Variants in PCBD2 observed in about 807,000 individuals in gnomAD.
PCBD2 encodes the protein pterin-4 alpha-carbinolamine dehydratase 2.
A neutral mutation model predicts 16.4 loss-of-function variants in PCBD2; 12 were observed. The ratio of observed to expected loss-of-function variants is 0.73; its 90% confidence interval spans 0.47 to 1.19. PCBD2 has a LOEUF of 1.19. Among genes scored for constraint, PCBD2 ranks in the 50% most tolerant of loss-of-function variants. The pLI, the probability that PCBD2 is intolerant of heterozygous loss-of-function variation, is 0.00. For synonymous variants in PCBD2, 58 were observed against 61.8 expected (o/e 0.94, Z 0.29); for missense variants, 138 against 156.8 (o/e 0.88, Z 0.64).
chr5:134,919,008 C>G (rs1449984782), intron 2 of PCBD2, among the ~76,000 whole-genome samples: 1 of 152,218 alleles, frequency 6.6e-6, no homozygotes, highest in East Asian at 1.9e-4. Context: ...CAGGTGTCAA[C>G]AATGCAAATA....
chr5:134,939,330 A>G (rs1352636477), intron 2 of PCBD2, among the ~76,000 whole-genome samples: 1 of 149,484 alleles, frequency 6.7e-6, no homozygotes, highest in African/African-American at 2.5e-5. Context: ...TCAGGTTTTG[A>G]TGTTTTGTTG....
intron 1 of PCBD2, among the ~76,000 whole-genome samples, chr5:134,907,506 G>A (rs1209043033): frequency 6.6e-6 from 1 of 152,130 alleles, no homozygotes; most frequent in Non-Finnish European, 1.5e-5. Context: ...CTCCCAAAGT[G>A]CTGGGATTAC....
At chr5:134,907,426 T>A (rs1298745737) in intron 1 of PCBD2, among the ~76,000 whole-genome samples, 1 of 151,910 alleles carries the variant, frequency 6.6e-6, no homozygotes, top group East Asian at 1.9e-4. Flanking sequence ...GTATTTTTAG[T>A]AGAGACGGGT....
At position 134,960,805 on chromosome 5, in the gene PCBD2, C is replaced by T. The variant is rs1338708174; in HGVS notation, c.*124C>T. On this transcript the variant is annotated 3_prime_UTR_variant, in exon 4 of 4. Coordinates refer to ENST00000254908, the MANE Select transcript of PCBD2 (RefSeq NM_032151.5). ...TTTTTAAGACAGAGTGTTGCTCTGT[C>T]GCCCAGGCCAGAGTGCAGTGGTATG... The T allele has an allele frequency of 1.3e-5, 10 of 796,018 alleles. No homozygotes were observed. Among genetic ancestry groups the T allele is most frequent in the African/African-American group, 7.0e-5 (4 of 57,214 alleles). The allele number at this position is 796,018 out of a possible 1,614,324, so 49.3% of individuals were successfully genotyped here.
At chr5:134,920,644 A>G (rs1750891907) in intron 2 of PCBD2, among the ~76,000 whole-genome samples, 1 of 150,912 alleles carries the variant, frequency 6.6e-6, no homozygotes, top group African/African-American at 2.4e-5. Context: ...CTCTGCCAAC[A>G]GGGCAGGATG....
At chr5:134,948,583 A>G (rs1292620668) in intron 2 of PCBD2, among the ~76,000 whole-genome samples, 1 of 152,176 alleles carries the variant, frequency 6.6e-6, no homozygotes, top group Admixed American at 6.5e-5. Context: ...CTGCAAAAGA[A>G]AGTTGTTTTG....
intron 2 of PCBD2, among the ~76,000 whole-genome samples, chr5:134,941,148 G>T (rs1751223221): frequency 6.7e-6 from 1 of 149,804 alleles, no homozygotes. Context: ...AAAGAACTTG[G>T]TTCCTGAGAA....
At chr5:134,945,022 T>A (rs1266173638) in intron 2 of PCBD2, among the ~76,000 whole-genome samples, 1 of 152,254 alleles carries the variant, frequency 6.6e-6, no homozygotes, top group Non-Finnish European at 1.5e-5. Context: ...AAAATCACAG[T>A]GCTTTTGGCA....
At position 134,930,047 on chromosome 5, in the gene PCBD2, C is replaced by T. The variant is rs1477663103; in HGVS notation, c.216+19581C>T. Among the ~76,000 whole-genome samples the T allele has an allele frequency of 2.0e-5, 3 of 152,098 alleles. No homozygotes were observed. The East Asian group carries it at 5.8e-4, about 29-fold the overall frequency. On this transcript the variant is annotated intron_variant, in intron 2 of 3. Transcript: ENST00000254908. ...CTTAGAGCTTTGATATAGGGCCTAT[C>T]AATATTAGAGCTAGAAAGGATGGGG...
At chr5:134,943,691 G>A (rs955927480) in intron 2 of PCBD2, among the ~76,000 whole-genome samples, 17 of 152,110 alleles carry the variant, frequency 1.1e-4, no homozygotes, top group African/African-American at 4.1e-4. Flanking sequence ...AAGTTGTCTT[G>A]GGTTCTGTGC....
At chr5:134,921,914 C>T (rs1489807629) in intron 2 of PCBD2, among the ~76,000 whole-genome samples, 1 of 152,208 alleles carries the variant, frequency 6.6e-6, no homozygotes, top group Non-Finnish European at 1.5e-5. Flanking sequence ...CTCAGATAAT[C>T]TCACTGCCTT....
In PCBD2 at chr5:134,957,916, A is replaced by G. The variant is rs116087634; in HGVS notation, c.217-1124A>G. ...TATCCCAAATAAAATTGGCTCCGAGAGAGGTACCATAGTGAATGATATAGA... is the reference window on the plus strand; with the variant it reads ...TATCCCAAATAAAATTGGCTCCGAGGGAGGTACCATAGTGAATGATATAGA... On this transcript the variant is annotated intron_variant, in intron 2 of 3. Transcript: ENST00000254908. 4.6e-3 allele frequency among the ~76,000 whole-genome samples: 699 copies of G among 152,344 alleles called. 5 individuals are homozygous for G. The highest frequency in any genetic ancestry group is 0.016 in the African/African-American group (650 of 41,586).
Position 134,955,962 on chromosome 5 carries a change from CT to C in PCBD2, c.217-3072del, listed in dbSNP as rs796100204. 1.5e-3 allele frequency among the ~76,000 whole-genome samples: 228 copies of C among 152,226 alleles called. 1 individual carries two copies. Among genetic ancestry groups the C allele is most frequent in the African/African-American group, 5.2e-3 (218 of 41,544 alleles). ...AATCAAACTTTCGTTTGAGTTTTGC[CT>C]TTTTTCTCTCTTATTCAGTCATCTA... On this transcript the variant is annotated intron_variant, in intron 2 of 3. Coordinates refer to ENST00000254908, the MANE Select transcript of PCBD2 (RefSeq NM_032151.5).
At chr5:134,933,996 G>C (rs1172879557) in intron 2 of PCBD2, among the ~76,000 whole-genome samples, 1 of 152,098 alleles carries the variant, frequency 6.6e-6, no homozygotes, top group Non-Finnish European at 1.5e-5. Context: ...GGATAAAGAA[G>C]GCTTGTTTAA....
At chr5:134,937,422 C>G (rs1751172514) in intron 2 of PCBD2, among the ~76,000 whole-genome samples, 1 of 152,094 alleles carries the variant, frequency 6.6e-6, no homozygotes, top group Non-Finnish European at 1.5e-5. Flanking sequence ...GGTTATAAAT[C>G]TAATATTGCA....
intron 2 of PCBD2, among the ~76,000 whole-genome samples, chr5:134,913,017 C>T (rs1750786666): frequency 6.6e-6 from 1 of 152,200 alleles, no homozygotes; most frequent in Non-Finnish European, 1.5e-5. Flanking sequence ...CTGTTCTCTT[C>T]TGGTCTTTCT....
In PCBD2 at chr5:134,948,110, G is replaced by C. The variant is rs184946792; in HGVS notation, c.217-10930G>C. The stretch of plus-strand genomic sequence containing the variant: ...GGTTTTAAAACCAGTGCTTCTGTTT[G>C]CTTTAGGAGAAAAGAATGGGTAGAA... On this transcript the variant is annotated intron_variant, in intron 2 of 3. Coordinates refer to ENST00000254908, the MANE Select transcript of PCBD2 (RefSeq NM_032151.5). Among the ~76,000 whole-genome samples the C allele has an allele frequency of 1.2e-4, 18 of 152,128 alleles. No homozygotes were observed. In the East Asian group the frequency reaches 3.0e-3, roughly 25 times the overall value.
chr5:134,910,258 G>T (rs1237738266), intron 1 of PCBD2, 77 bp from the exon 2 acceptor site: 32 of 1,467,816 alleles, frequency 2.2e-5, no homozygotes, highest in Non-Finnish European at 2.9e-5. Context: ...CTACATCTCT[G>T]CTTAAGGTAA....
At chr5:134,949,331 C>T (rs936463084) in intron 2 of PCBD2, among the ~76,000 whole-genome samples, 4 of 151,966 alleles carry the variant, frequency 2.6e-5, no homozygotes, top group African/African-American at 9.7e-5. Context: ...CCTTTCCAGG[C>T]CACAGACACT....
Sources: allele counts gnomAD v4.1 joint callset (sites outside exome capture counted in the v4.1 genomes callset), GRCh38; gene constraint gnomAD v4.1.1; transcripts MANE v1.5; gene names NCBI Gene and HGNC (gene_info 2026-07-23, HGNC 2026-07-21).